The following CEP162 variants were observed in gnomAD, a reference collection of about 807,000 sequenced individuals.
CEP162 encodes centrosomal protein of 162 kDa.
Under a neutral mutation model 169.2 loss-of-function variants are expected in CEP162, and 141 were observed. The ratio of observed to expected loss-of-function variants is 0.83; its 90% CI spans 0.73 to 0.96. The LOEUF is 0.96. CEP162 is among the 40% of genes least tolerant of loss of function. The probability of loss-of-function intolerance (pLI) is 0.00; values close to 1 mark genes in which losing one functional copy is unlikely to be tolerated. For synonymous variants in CEP162, 540 were observed against 526.4 expected, an observed-to-expected ratio of 1.03 and a Z score of -0.35; for missense variants, 1,600 against 1,587.2, an observed-to-expected ratio of 1.01 and a Z score of -0.14.
intron 11 of CEP162, among the ~76,000 whole-genome samples, chr6:84,187,204 A>AC (rs2099537542): frequency 6.6e-6 from 1 of 152,166 alleles, no homozygotes; most frequent in Admixed American, 6.5e-5. Flanking sequence ...CTTAAATGTA[A>AC]CAATTCAATT....
chr6:84,210,076 T>C (rs2099548843), intron 6 of CEP162, among the ~76,000 whole-genome samples: 1 of 152,234 alleles, frequency 6.6e-6, no homozygotes, highest in Admixed American at 6.5e-5. Flanking sequence ...AGATAATATC[T>C]AGACTCTTCC....
At chr6:84,207,708 A>G (rs1489718665) in intron 6 of CEP162, among the ~76,000 whole-genome samples, 1 of 131,918 alleles carries the variant, frequency 7.6e-6, no homozygotes, top group African/African-American at 4.5e-5. Context: ...CTAGAACTTA[A>G]AGTATAAAAA....
chr6:84,164,285 G>A (rs1407408741), intron 18 of CEP162, among the ~76,000 whole-genome samples: 1 of 152,226 alleles, frequency 6.6e-6, no homozygotes, highest in Non-Finnish European at 1.5e-5. Context: ...GTGGAAGACA[G>A]TGTGGTGATT....
chr6:84,140,964 C>T (rs1298700117), intron 25 of CEP162, among the ~76,000 whole-genome samples: 2 of 152,170 alleles, frequency 1.3e-5, no homozygotes, highest in Non-Finnish European at 1.5e-5. Flanking sequence ...TCAAGCTCAT[C>T]ACATTTATCA....
chr6:84,226,007 A>C (rs992426641), intron 2 of CEP162, among the ~76,000 whole-genome samples: 1 of 152,066 alleles, frequency 6.6e-6, no homozygotes, highest in African/African-American at 2.4e-5. Context: ...GAGTGAAATC[A>C]TGAAAGGCTT....
At chr6:84,208,555 A>G (rs1277543631) in intron 6 of CEP162, among the ~76,000 whole-genome samples, 1 of 152,222 alleles carries the variant, frequency 6.6e-6, no homozygotes, top group Non-Finnish European at 1.5e-5. Context: ...AAGTGAAGAA[A>G]TGAATTTGAG....
intron 11 of CEP162, among the ~76,000 whole-genome samples, chr6:84,190,504 C>A (rs1202779512): frequency 1.3e-5 from 2 of 152,300 alleles, no homozygotes; most frequent in East Asian, 1.9e-4. Context: ...CTTTTATGAG[C>A]TGTAACACTC....
chr6:84,185,049 C>T (rs1168615673), intron 13 of CEP162, 138 bp downstream of exon 13: 8 of 713,212 alleles, frequency 1.1e-5, no homozygotes, highest in Non-Finnish European at 1.6e-5. Context: ...CTTTTCATCA[C>T]CTACACTGCC....
chr6:84,149,529 C>G (rs761319027), intron 24 of CEP162, 33 bp downstream of exon 24: 4 of 1,514,664 alleles, frequency 2.6e-6, no homozygotes, highest in Non-Finnish European at 3.5e-6. Flanking sequence ...CGAGTTTATT[C>G]AAGTCAAAAG....
chr6:84,226,557 AT>A (rs1347831818), intron 1 of CEP162, 105 bp from the exon 2 acceptor site: 33 of 593,230 alleles, frequency 5.6e-5, no homozygotes, highest in South Asian at 1.1e-4. Flanking sequence ...TATATGCACA[AT>A]TTTTTTTAAC....
intron 21 of CEP162, among the ~76,000 whole-genome samples, chr6:84,159,971 G>C (rs2099525091): frequency 6.6e-6 from 1 of 151,980 alleles, no homozygotes; most frequent in African/African-American, 2.4e-5. Flanking sequence ...TATAAAAATA[G>C]GTCTTGTAAA....
intron 13 of CEP162, among the ~76,000 whole-genome samples, chr6:84,181,310 T>C (rs1250089214): frequency 2.6e-5 from 4 of 152,200 alleles, no homozygotes; most frequent in Admixed American, 1.3e-4. Context: ...TGTAGAAAGC[T>C]GAAACTGGAT....
At chr6:84,224,150 G>T (rs2099554816) in intron 2 of CEP162, among the ~76,000 whole-genome samples, 1 of 151,864 alleles carries the variant, frequency 6.6e-6, no homozygotes, top group Non-Finnish European at 1.5e-5. Context: ...TCCGTCAACT[G>T]ACAGGTGGAA....
At chr6:84,168,609 G>A (rs1441739708) in intron 18 of CEP162, among the ~76,000 whole-genome samples, 1 of 152,084 alleles carries the variant, frequency 6.6e-6, no homozygotes, top group Non-Finnish European at 1.5e-5. Flanking sequence ...GGTTTTAATT[G>A]TTAAAATGAC....
rs1261279340 is a variant in CEP162, at chr6:84,197,757, C to T, written c.836-2682G>A. Among the ~76,000 whole-genome samples, 11 of 147,710 alleles carry T rather than the reference C, an allele frequency of 7.4e-5. No homozygotes were observed. The South Asian group carries it at 1.3e-3, about 17-fold the overall frequency. ...ACTTGAACCCAGGAGGTGGAGACTG[C>T]AGTGAGCGGAGATCATGCCACTGCA... On this transcript the variant is annotated intron_variant, in intron 9 of 26. Transcript: ENST00000403245.
rs995626257 is a variant in CEP162 at position 84,200,845 on chromosome 6, A to C, written c.779T>G (p.Ile260Arg). Residue 260 changes from isoleucine to arginine, a missense_variant, in exon 9 of 27, where the codon ATA becomes AGA. Ile to Arg is a moderately conservative substitution (Grantham distance 97, BLOSUM62 -3). Transcript: ENST00000403245. ...TGGTAGGCACCTTGGCTTAGGTGTT[A>C]TTTTATCTTGTTCATCAAGATTGAC... ...AEVNLDEQDK[I>R]TPKPRCLPEM... The C allele has an allele frequency of 7.4e-6, 12 of 1,612,504 alleles. No individual in the cohort carries two copies. Among genetic ancestry groups the C allele is most frequent in the Middle Eastern group, 1.6e-4 (1 of 6,078 alleles).
chr6:84,131,940 T>A (rs574006407), intron 25 of CEP162, among the ~76,000 whole-genome samples: 3 of 152,238 alleles, frequency 2.0e-5, no homozygotes, highest in Non-Finnish European at 4.4e-5. Context: ...CTAGCACTGA[T>A]GGTCTTTACA....
Position 84,163,126 on chromosome 6 carries a change from T to C in CEP162, c.2512+18A>G. 1 of 1,610,798 alleles carries C rather than the reference T, an allele frequency of 6.2e-7. No homozygotes were observed. The highest frequency in any genetic ancestry group is 8.5e-7 in the Non-Finnish European group (1 of 1,177,656). ...AGTTATGATTATAAAGGTACACTGT[T>C]TCAGCTCAGTGTTTTACCTGTGACA... On this transcript the variant is annotated intron_variant, in intron 19 of 26. Coordinates refer to ENST00000403245, the MANE Select transcript of CEP162 (RefSeq NM_014895.4).
At chr6:84,219,248 C>T (rs1411264365) in intron 3 of CEP162, 7 of 921,100 alleles carry the variant, frequency 7.6e-6, no homozygotes, top group East Asian at 6.3e-5. Flanking sequence ...ACTCAGTAAC[C>T]GTTTGCTTGA....
Sources: gnomAD v4.1 joint callset for allele counts (sites outside exome capture counted in the v4.1 genomes callset) on GRCh38, gnomAD v4.1.1 for gene constraint, MANE v1.5 for transcripts, NCBI Gene and HGNC (gene_info 2026-07-23, HGNC 2026-07-21) for gene names.